The following SYT6 variants were observed in gnomAD, a reference collection of about 807,000 sequenced individuals.
SYT6 encodes synaptotagmin-6.
In SYT6, 24 loss-of-function variants were observed where a neutral mutation model predicts 38.4. The ratio of observed to expected loss-of-function variants is 0.62; its 90% CI spans 0.45 to 0.88. SYT6 has a LOEUF of 0.88. SYT6 is among the 40% of genes least tolerant of loss of function. The pLI is 0.00. For missense variants in SYT6, 611 were observed against 621.0 expected (o/e 0.98, Z 0.17); for synonymous variants, 265 against 241.9 (o/e 1.10, Z -0.89).
At chr1:114,092,338 C>CTCTCTCTCTCTCTCTGTGTG (rs991723002) in intron 7 of SYT6, among the ~76,000 whole-genome samples, 5 of 128,570 alleles carry the variant, frequency 3.9e-5, no homozygotes, top group African/African-American at 1.4e-4. Context: ...CTCTCTCTCT[C>CTCTCTCTCTCTCTCTGTGTG]TGTGTGTGTG....
chr1:114,098,590 A>C (rs1675786365), intron 5 of SYT6, among the ~76,000 whole-genome samples: 2 of 152,224 alleles, frequency 1.3e-5, no homozygotes, highest in African/African-American at 4.8e-5. Flanking sequence ...AAAAGCCTGG[A>C]TCACAGGAGC....
At chr1:114,107,364 G>A (rs997289614) in intron 3 of SYT6, among the ~76,000 whole-genome samples, 1 of 152,220 alleles carries the variant, frequency 6.6e-6, no homozygotes, top group Non-Finnish European at 1.5e-5. Context: ...GCGACATGCA[G>A]GTGCTGAGTC....
chr1:114,106,708 C>T (rs919982115), intron 3 of SYT6, among the ~76,000 whole-genome samples: 1 of 152,058 alleles, frequency 6.6e-6, no homozygotes, highest in Admixed American at 6.5e-5. Context: ...ACATCATGCC[C>T]CCACACCACA....
intron 3 of SYT6, among the ~76,000 whole-genome samples, chr1:114,113,527 C>T (rs1676813623): frequency 6.6e-6 from 1 of 152,186 alleles, no homozygotes; most frequent in Non-Finnish European, 1.5e-5. Context: ...TTTCTGTTTA[C>T]ATTCTCCTCT....
intron 3 of SYT6, among the ~76,000 whole-genome samples, chr1:114,128,266 T>C (rs1484912792): frequency 6.6e-6 from 1 of 152,218 alleles, no homozygotes; most frequent in Non-Finnish European, 1.5e-5. Context: ...TGGACCTGCA[T>C]GCGGGAGTCC....
intron 4 of SYT6, among the ~76,000 whole-genome samples, chr1:114,102,542 G>A (rs1045545046): frequency 6.6e-6 from 1 of 152,114 alleles, no homozygotes; most frequent in African/African-American, 2.4e-5. Context: ...CTACTCCTCT[G>A]TTATTTCCAA....
chr1:114,124,185 A>G (rs1225295829), intron 3 of SYT6, among the ~76,000 whole-genome samples: 2 of 152,204 alleles, frequency 1.3e-5, no homozygotes, highest in Non-Finnish European at 2.9e-5. Flanking sequence ...ATTCTTAGGA[A>G]ACAGAGAAAG....
In SYT6 at chr1:114,128,092, C is replaced by T. The variant is rs572938248; in HGVS notation, c.1071+9403G>A. On this transcript the variant is annotated intron_variant, in intron 3 of 7. Coordinates refer to ENST00000610222, the MANE Select transcript of SYT6 (RefSeq NM_001253772.2). ...TCTTCATGCATTATTCAGAGTGCTC[C>T]GGCTGCATGGTTTGGCCTGGGGAGC... is the stretch of plus-strand genomic sequence containing the variant. 5.3e-5 allele frequency among the ~76,000 whole-genome samples: 8 copies of T among 152,328 alleles called. No homozygotes were observed. The South Asian group carries it at 8.3e-4, about 16-fold the overall frequency.
chr1:114,138,095 C>T, intron 2 of SYT6, 42 bp from the exon 3 acceptor site: 2 of 1,571,228 alleles, frequency 1.3e-6, no homozygotes, highest in Non-Finnish European at 8.6e-7. Flanking sequence ...GTGGTCAGGG[C>T]TCAGGGGAAG....
intron 3 of SYT6, among the ~76,000 whole-genome samples, chr1:114,123,741 T>C (rs1485540499): frequency 1.3e-5 from 2 of 152,294 alleles, no homozygotes; most frequent in South Asian, 4.1e-4. Context: ...AAGAGCCTGG[T>C]AATATAAAAA....
At chr1:114,106,638 G>T (rs1676330202) in intron 3 of SYT6, among the ~76,000 whole-genome samples, 3 of 151,966 alleles carry the variant, frequency 2.0e-5, no homozygotes, top group Admixed American at 6.6e-5. Context: ...CTGGTATATT[G>T]TTGGTCCTTC....
chr1:114,114,714 G>C (rs1011076205), intron 3 of SYT6, among the ~76,000 whole-genome samples: 2 of 152,216 alleles, frequency 1.3e-5, no homozygotes, highest in Non-Finnish European at 2.9e-5. Context: ...CTCAGTTCGT[G>C]ATATAAGGCG....
intron 1 of SYT6, among the ~76,000 whole-genome samples, chr1:114,143,877 G>A (rs1679010756): frequency 1.3e-5 from 2 of 151,714 alleles, no homozygotes; most frequent in South Asian, 4.2e-4. Context: ...CCCCTATGAG[G>A]GATGCCCCTC....
intron 1 of SYT6, 129 bp downstream of exon 1, chr1:114,153,481 G>A (rs1679551917): frequency 3.7e-6 from 2 of 536,764 alleles, no homozygotes; most frequent in Non-Finnish European, 3.3e-6. Flanking sequence ...GACGAGGCTG[G>A]CTCCCAATCC....
chr1:114,125,006 C>T (rs1330808624), intron 3 of SYT6, among the ~76,000 whole-genome samples: 1 of 152,366 alleles, frequency 6.6e-6, no homozygotes, highest in East Asian at 1.9e-4. Context: ...GGTGGACACC[C>T]TGCTTAACGT....
intron 6 of SYT6, among the ~76,000 whole-genome samples, chr1:114,096,395 CTT>C (rs1242018423): frequency 2.0e-5 from 3 of 152,222 alleles, no homozygotes; most frequent in Non-Finnish European, 4.4e-5. Flanking sequence ...CTGCCAGAAA[CTT>C]TGCTTCTTTT....
Position 114,093,726 on chromosome 1 carries a change from G to C in SYT6, c.*51+9C>G. The C allele has an allele frequency of 6.2e-7, 1 of 1,613,268 alleles. No homozygotes were observed. The highest frequency in any genetic ancestry group is 1.1e-5 in the South Asian group (1 of 90,888). ...ACCTAACGTCTTTGGGTCCACACCAGGTACTTACTCCTAACTCCAGGTGGC... is the reference window on the plus strand; with the variant it reads ...ACCTAACGTCTTTGGGTCCACACCACGTACTTACTCCTAACTCCAGGTGGC... On this transcript the variant is annotated intron_variant, in intron 7 of 7. Transcript: ENST00000610222.
At chr1:114,113,160 T>C (rs971544579) in intron 3 of SYT6, among the ~76,000 whole-genome samples, 2 of 152,146 alleles carry the variant, frequency 1.3e-5, no homozygotes, top group Non-Finnish European at 2.9e-5. Flanking sequence ...CTCCAGAATC[T>C]CTGGGTCTTG....
intron 3 of SYT6, among the ~76,000 whole-genome samples, chr1:114,112,334 C>T (rs760021825): frequency 4.6e-5 from 7 of 152,148 alleles, no homozygotes; most frequent in African/African-American, 9.7e-5. Context: ...AGCACATCAG[C>T]GGGAAGCAAA....
Sources: allele counts gnomAD v4.1 joint callset (sites outside exome capture counted in the v4.1 genomes callset), GRCh38; gene constraint gnomAD v4.1.1; transcripts MANE v1.5; gene names NCBI Gene and HGNC (gene_info 2026-07-23, HGNC 2026-07-21).